THRB: variants seen among roughly 807,000 people sequenced by gnomAD.
THRB encodes the protein thyroid hormone receptor beta, also known as nuclear receptor subfamily 1 group A member 2.
In THRB, 12 loss-of-function variants were observed where a neutral mutation model predicts 47.8. The observed-to-expected ratio is 0.25, with a 90% confidence interval of 0.16 to 0.41. The LOEUF (loss-of-function observed/expected upper bound fraction) is 0.41, where lower values mean the gene tolerates loss of function less well. Among genes scored for constraint, THRB ranks in the 10% least tolerant of loss-of-function variants. The pLI, the probability that THRB is intolerant of heterozygous loss-of-function variation, is 1.00. For missense variants in THRB, 348 were observed against 589.2 expected (o/e 0.59, Z 4.24); for synonymous variants, 218 against 212.2 (o/e 1.03, Z -0.24).
chr3:24,171,539 G>T (rs553304897), intron 5 of THRB, among the ~76,000 whole-genome samples: 3 of 152,302 alleles, frequency 2.0e-5, no homozygotes, highest in Non-Finnish European at 1.5e-5. Flanking sequence ...ATCCCAAGGG[G>T]ATGAAGTGAC....
At chr3:24,277,589 A>C (rs956155084) in intron 3 of THRB, among the ~76,000 whole-genome samples, 1 of 152,154 alleles carries the variant, frequency 6.6e-6, no homozygotes, top group Non-Finnish European at 1.5e-5. Context: ...ATTCCCTCTC[A>C]AATCTAAAAT....
At chr3:24,463,289 C>T (rs1410455638) in intron 1 of THRB, among the ~76,000 whole-genome samples, 7 of 152,188 alleles carry the variant, frequency 4.6e-5, no homozygotes. Context: ...GAGACAGAGT[C>T]TCATCCTGTA....
intron 2 of THRB, among the ~76,000 whole-genome samples, chr3:24,323,543 T>C (rs1249510372): frequency 6.6e-6 from 1 of 152,240 alleles, no homozygotes; most frequent in East Asian, 1.9e-4. Flanking sequence ...TCTGCATTCC[T>C]AACCAGCTCC....
At chr3:24,401,169 C>T (rs567883584) in intron 1 of THRB, among the ~76,000 whole-genome samples, 3 of 151,996 alleles carry the variant, frequency 2.0e-5, no homozygotes, top group South Asian at 2.1e-4. Flanking sequence ...TCTAAAGGCA[C>T]GATTAATGCA....
At chr3:24,467,502 T>G (rs76783512) in intron 1 of THRB, among the ~76,000 whole-genome samples, 7,453 of 152,340 alleles carry the variant, frequency 0.049, 259 homozygotes, top group Non-Finnish European at 0.079. Context: ...AGAAATGTAT[T>G]TCTTAGATAA....
intron 1 of THRB, among the ~76,000 whole-genome samples, chr3:24,338,042 C>T (rs1413705271): frequency 2.6e-5 from 4 of 152,170 alleles, no homozygotes; most frequent in East Asian, 3.8e-4. Context: ...AGTGACAAGC[C>T]GCTTTTCAAC....
chr3:24,431,194 G>C (rs1010561536), intron 1 of THRB: 2 of 151,132 alleles, frequency 1.3e-5, no homozygotes, highest in African/African-American at 4.9e-5. Flanking sequence ...GAAATAGTAA[G>C]CCAAAAATTG....
At chr3:24,467,179 C>T (rs2074223237) in intron 1 of THRB, among the ~76,000 whole-genome samples, 1 of 152,208 alleles carries the variant, frequency 6.6e-6, no homozygotes, top group Non-Finnish European at 1.5e-5. Flanking sequence ...TAAGAAGCAA[C>T]TCCTTAACCA....
chr3:24,135,296 G>A (rs1238511790), intron 8 of THRB, among the ~76,000 whole-genome samples: 1 of 152,198 alleles, frequency 6.6e-6, no homozygotes, highest in Non-Finnish European at 1.5e-5. Context: ...GAGCAGCCCA[G>A]GAGTCATGCT....
chr3:24,438,934 C>T (rs1366168557), intron 1 of THRB, among the ~76,000 whole-genome samples: 1 of 152,120 alleles, frequency 6.6e-6, no homozygotes, highest in East Asian at 1.9e-4. Context: ...CTAGGCAAAT[C>T]AGGCTCTTAA....
chr3:24,444,682 C>A (rs2071887419), intron 1 of THRB, among the ~76,000 whole-genome samples: 1 of 152,148 alleles, frequency 6.6e-6, no homozygotes, highest in Admixed American at 6.5e-5. Context: ...CGGCTCACTG[C>A]AACCTTGTGC....
chr3:24,321,764 A>G (rs2058500761), intron 2 of THRB, among the ~76,000 whole-genome samples: 1 of 152,150 alleles, frequency 6.6e-6, no homozygotes, highest in African/African-American at 2.4e-5. Context: ...CTAGTCACTA[A>G]CCACACATAG....
At chr3:24,224,498 G>A (rs1219187002) in intron 4 of THRB, among the ~76,000 whole-genome samples, 2 of 152,048 alleles carry the variant, frequency 1.3e-5, no homozygotes, top group Non-Finnish European at 2.9e-5. Context: ...GTAGGTTGTA[G>A]GACATATGCA....
At chr3:24,184,435 TG>T (rs778959049) in intron 5 of THRB, among the ~76,000 whole-genome samples, 5 of 152,344 alleles carry the variant, frequency 3.3e-5, no homozygotes, top group Middle Eastern at 3.4e-3. Context: ...TCCTCTGCTC[TG>T]TGTGCATCTC....
intron 3 of THRB, among the ~76,000 whole-genome samples, chr3:24,233,038 T>C (rs1377336334): frequency 1.3e-5 from 2 of 152,188 alleles, no homozygotes; most frequent in Non-Finnish European, 2.9e-5. Flanking sequence ...CTGCCAGTTC[T>C]ACCTGTTCTC....
chr3:24,369,750 C>T (rs925230564), intron 1 of THRB, among the ~76,000 whole-genome samples: 17 of 152,128 alleles, frequency 1.1e-4, no homozygotes, highest in South Asian at 2.1e-4. Context: ...CACAGTATGA[C>T]AAAACTGAAA....
rs188747457 is a variant in THRB, at chr3:24,366,323, C to T, written c.-260-28952G>A. 3.0e-4 allele frequency among the ~76,000 whole-genome samples: 45 copies of T among 152,208 alleles called. 1 individual carries two copies. Among genetic ancestry groups the T allele is most frequent in the Admixed American group, 3.3e-4 (5 of 15,276 alleles). The stretch of plus-strand genomic sequence containing the variant: ...CATGGAGAGAATTGCCAATCTTAGA[C>T]TAGAAAGGGGTGAATCCTAGCCAGA... On this transcript the variant is annotated intron_variant, in intron 1 of 10. Transcript: ENST00000646209.
At chr3:24,269,442 C>CAG (rs58200122) in intron 3 of THRB, among the ~76,000 whole-genome samples, 1 of 141,044 alleles carries the variant, frequency 7.1e-6, no homozygotes, top group Non-Finnish European at 1.5e-5. Context: ...CACACACACA[C>CAG]TTAAGTTATC....
At chr3:24,481,180 G>A (rs1399352066) in intron 1 of THRB, among the ~76,000 whole-genome samples, 4 of 144,538 alleles carry the variant, frequency 2.8e-5, no homozygotes, top group African/African-American at 1.0e-4. Flanking sequence ...TTGAGGAATT[G>A]AGAAGATCGT....
Sources: allele counts gnomAD v4.1 joint callset (sites outside exome capture counted in the v4.1 genomes callset), GRCh38; gene constraint gnomAD v4.1.1; transcripts MANE v1.5; gene names NCBI Gene and HGNC (gene_info 2026-07-23, HGNC 2026-07-21).